GRIA1: variants seen among roughly 807,000 people sequenced by gnomAD.
The protein encoded by GRIA1 is glutamate ionotropic receptor AMPA type subunit 1.
In GRIA1, 31 loss-of-function variants were observed where a neutral mutation model predicts 99.2. The observed-to-expected ratio is 0.31, with a 90% CI of 0.23 to 0.42. The LOEUF is 0.42. Among genes scored for constraint, GRIA1 ranks in the 10% least tolerant of loss-of-function variants. The pLI, the probability that GRIA1 is intolerant of heterozygous loss-of-function variation, is 1.00. For missense variants in GRIA1, 782 were observed against 1,157.5 expected, an observed-to-expected ratio of 0.68 and a Z score of 4.71; for synonymous variants, 438 against 432.4, an observed-to-expected ratio of 1.01 and a Z score of -0.16.
At chr5:153,742,875 C>A (rs538365612) in intron 11 of GRIA1, among the ~76,000 whole-genome samples, 3 of 152,336 alleles carry the variant, frequency 2.0e-5, no homozygotes, top group Non-Finnish European at 2.9e-5. Flanking sequence ...AGATCCCTAA[C>A]CTTAATTCTG....
intron 11 of GRIA1, among the ~76,000 whole-genome samples, chr5:153,717,948 C>T (rs183448636): frequency 6.6e-6 from 1 of 152,214 alleles, no homozygotes; most frequent in Admixed American, 6.5e-5. Flanking sequence ...TTCATTTTCT[C>T]TTTCACGTCT....
intron 13 of GRIA1, among the ~76,000 whole-genome samples, chr5:153,786,290 G>A (rs1329943506): frequency 6.6e-6 from 1 of 151,818 alleles, no homozygotes; most frequent in Non-Finnish European, 1.5e-5. Context: ...TCTCCCCGAA[G>A]GTCCCCTCAT....
At chr5:153,726,914 C>G (rs1760581035) in intron 11 of GRIA1, among the ~76,000 whole-genome samples, 1 of 152,186 alleles carries the variant, frequency 6.6e-6, no homozygotes, top group Non-Finnish European at 1.5e-5. Flanking sequence ...GATATCAAAG[C>G]CGGGCAGAGA....
At chr5:153,803,642 T>A (rs532948893) in intron 15 of GRIA1, among the ~76,000 whole-genome samples, 3 of 152,316 alleles carry the variant, frequency 2.0e-5, no homozygotes, top group African/African-American at 7.2e-5. Flanking sequence ...ACAGTCCCTC[T>A]GGGCAATGCA....
intron 11 of GRIA1, among the ~76,000 whole-genome samples, chr5:153,760,265 G>A (rs1258431715): frequency 6.6e-6 from 1 of 152,050 alleles, no homozygotes; most frequent in Non-Finnish European, 1.5e-5. Flanking sequence ...GTCCCTGTTT[G>A]CAGATGACAT....
intron 2 of GRIA1, among the ~76,000 whole-genome samples, chr5:153,597,817 G>T (rs1308410132): frequency 6.6e-6 from 1 of 150,622 alleles, no homozygotes; most frequent in Non-Finnish European, 1.5e-5. Flanking sequence ...AGACAAGGCT[G>T]GGCAACATGG....
At chr5:153,637,577 C>A (rs777960999) in intron 2 of GRIA1, among the ~76,000 whole-genome samples, 6 of 152,108 alleles carry the variant, frequency 3.9e-5, no homozygotes, top group African/African-American at 7.2e-5. Context: ...CATTTTGAAC[C>A]CATTCAACAT....
chr5:153,719,386 C>T (rs1759890444), intron 11 of GRIA1, among the ~76,000 whole-genome samples: 1 of 151,964 alleles, frequency 6.6e-6, no homozygotes, highest in Non-Finnish European at 1.5e-5. Flanking sequence ...CCATGGATGA[C>T]TTGTCTCTGC....
chr5:153,623,498 C>A (rs1475998236), intron 2 of GRIA1, among the ~76,000 whole-genome samples: 1 of 152,146 alleles, frequency 6.6e-6, no homozygotes, highest in Non-Finnish European at 1.5e-5. Flanking sequence ...AATAAAGTTT[C>A]CTGTCAAAAG....
At chr5:153,688,257 T>A (rs1757477198) in intron 8 of GRIA1, among the ~76,000 whole-genome samples, 1 of 152,208 alleles carries the variant, frequency 6.6e-6, no homozygotes, top group Non-Finnish European at 1.5e-5. Context: ...TGGCTATGAA[T>A]GTAGCCACTG....
intron 13 of GRIA1, among the ~76,000 whole-genome samples, chr5:153,782,250 T>G (rs977671203): frequency 3.3e-5 from 5 of 152,200 alleles, no homozygotes; most frequent in Non-Finnish European, 5.9e-5. Context: ...TTGTCAAAGT[T>G]CACACAGCGA....
chr5:153,569,004 A>G (rs1211521895), intron 2 of GRIA1, among the ~76,000 whole-genome samples: 2 of 152,140 alleles, frequency 1.3e-5, no homozygotes, highest in Non-Finnish European at 2.9e-5. Flanking sequence ...AGTGATGTCA[A>G]ATCTACCCAG....
At chr5:153,768,728 C>T (rs1315965897) in intron 12 of GRIA1, among the ~76,000 whole-genome samples, 1 of 152,070 alleles carries the variant, frequency 6.6e-6, no homozygotes, top group Non-Finnish European at 1.5e-5. Flanking sequence ...AAGTGATATG[C>T]TGCATGTATA....
At chr5:153,666,350 A>T (rs1022066854) in intron 5 of GRIA1, among the ~76,000 whole-genome samples, 4 of 152,188 alleles carry the variant, frequency 2.6e-5, no homozygotes, top group African/African-American at 9.7e-5. Flanking sequence ...GAAAGCTAGG[A>T]GAGGCCTAGA....
At chr5:153,762,555 T>C (rs1001439545) in intron 11 of GRIA1, among the ~76,000 whole-genome samples, 7 of 152,206 alleles carry the variant, frequency 4.6e-5, no homozygotes, top group Non-Finnish European at 7.3e-5. Context: ...GACTGCTTAA[T>C]GGAATTCGTA....
At chr5:153,761,168 G>A (rs1000842670) in intron 11 of GRIA1, among the ~76,000 whole-genome samples, 2 of 152,060 alleles carry the variant, frequency 1.3e-5, no homozygotes, top group African/African-American at 4.8e-5. Flanking sequence ...AGCAAAAATA[G>A]ACAAATGGAT....
chr5:153,539,535 A>G (rs1444825973), intron 2 of GRIA1, among the ~76,000 whole-genome samples: 1 of 152,224 alleles, frequency 6.6e-6, no homozygotes, highest in Non-Finnish European at 1.5e-5. Context: ...TTACTGAGCA[A>G]TTAAATTGCT....
At chr5:153,765,026 A>G (rs1763422572) in intron 12 of GRIA1, among the ~76,000 whole-genome samples, 1 of 152,180 alleles carries the variant, frequency 6.6e-6, no homozygotes, top group Non-Finnish European at 1.5e-5. Flanking sequence ...TATCTCATAG[A>G]AGGAGCTCAG....
intron 11 of GRIA1, among the ~76,000 whole-genome samples, chr5:153,706,639 A>C (rs1758917230): frequency 6.6e-6 from 1 of 152,242 alleles, no homozygotes. Context: ...TGGTTCTAGC[A>C]CATGGGCCCT....
Sources: allele counts gnomAD v4.1 joint callset (sites outside exome capture counted in the v4.1 genomes callset), GRCh38; gene constraint gnomAD v4.1.1; transcripts MANE v1.5; gene names NCBI Gene and HGNC (gene_info 2026-07-23, HGNC 2026-07-21).